C19orf44: variants seen among roughly 807,000 people sequenced by gnomAD.
C19orf44 encodes the protein uncharacterized protein C19orf44.
Under a neutral mutation model 50.7 loss-of-function variants are expected in C19orf44, and 43 were observed. The observed-to-expected ratio is 0.85, with a 90% CI of 0.66 to 1.09. The LOEUF is 1.09. C19orf44 is among the 50% of genes least tolerant of loss of function. The pLI is 0.00. For missense variants in C19orf44, 722 were observed against 836.2 expected (o/e 0.86, Z 1.68); for synonymous variants, 298 against 334.7 (o/e 0.89, Z 1.20).
chr19:16,520,294 A>G lies in C19orf44; in HGVS notation c.*241A>G, dbSNP rs2085598273. On this transcript the variant is annotated 3_prime_UTR_variant, in exon 9 of 9. Coordinates refer to ENST00000221671, the MANE Select transcript of C19orf44 (RefSeq NM_032207.4). The surrounding 1 kb of genome is among the most constrained non-coding windows in gnomAD (Gnocchi z 4.0). The stretch of plus-strand genomic sequence containing the variant: ...CAGGGAAGGGTGCCCAAGGGTCAGC[A>G]GCAGCCAGGCGTCGTGGGGAGGCCA... 8 of 1,613,304 alleles carry G rather than the reference A, an allele frequency of 5.0e-6. No homozygotes were observed. The highest frequency in any genetic ancestry group is 3.3e-5 in the Admixed American group (2 of 59,968).
At position 16,521,133 on chromosome 19, in the gene C19orf44, G is replaced by A. The variant is rs567520521; in HGVS notation, c.*1080G>A. 1 of 601,758 alleles carries A rather than the reference G, an allele frequency of 1.7e-6. No homozygotes were observed. The highest frequency in any genetic ancestry group is 2.0e-5 in the South Asian group (1 of 51,258). The allele number at this position is 601,758 out of a possible 1,614,324, so 37.3% of individuals were successfully genotyped here. ...GTGCCCACGCCCTTGCCACCCTGCT[G>A]TTCCGCTGAGGTGGTGGGGACCCAT... On this transcript the variant is annotated 3_prime_UTR_variant, in exon 9 of 9. Coordinates refer to ENST00000221671, the MANE Select transcript of C19orf44 (RefSeq NM_032207.4).
chr19:16,512,361 G>A (rs368656788), intron 5 of C19orf44, among the ~76,000 whole-genome samples: 1 of 152,088 alleles, frequency 6.6e-6, no homozygotes, highest in Non-Finnish European at 1.5e-5. Context: ...CCATAAACAC[G>A]CTGGCCTCAG....
intron 3 of C19orf44, among the ~76,000 whole-genome samples, chr19:16,504,465 T>C (rs1002129368): frequency 1.3e-5 from 2 of 152,146 alleles, no homozygotes; most frequent in African/African-American, 2.4e-5. Context: ...CTTCCCACTC[T>C]TTCCCCCCAG....
chr19:16,501,364 G>A lies in C19orf44; in HGVS notation c.572G>A (p.Gly191Glu). Residue 191 changes from glycine to glutamate, a missense_variant, in exon 2 of 9, where the codon GGG becomes GAG. Transcript: ENST00000221671. ...AACATATCCCCTGAAGCACCTGCTG[G>A]GAAAGAGAGGACTTTGCAAACCCCC... ...VENISPEAPA[G>E]KERTLQTPKQ... The A allele has an allele frequency of 6.2e-7, 1 of 1,614,016 alleles. No individual in the cohort carries two copies. The highest frequency in any genetic ancestry group is 8.5e-7 in the Non-Finnish European group (1 of 1,180,026).
rs1474920879 is a variant in C19orf44, at chr19:16,504,614, TG to T, written c.1075+1235del. 4.4e-3 allele frequency among the ~76,000 whole-genome samples: 657 copies of T among 148,078 alleles called. 3 individuals are homozygous for T. Among genetic ancestry groups the T allele is most frequent in the African/African-American group, 0.015 (597 of 39,872 alleles). On this transcript the variant is annotated intron_variant, in intron 3 of 8. Coordinates refer to ENST00000221671, the MANE Select transcript of C19orf44 (RefSeq NM_032207.4). ...CCTGTCTTCTGTCTGTTTTTTTTTT[TG>T]TTTGTTTGTTTTTTTGAGATGTTGC...
chr19:16,511,209 G>A (rs926011755), intron 5 of C19orf44, among the ~76,000 whole-genome samples: 1 of 152,022 alleles, frequency 6.6e-6, no homozygotes, highest in Non-Finnish European at 1.5e-5. Context: ...GATAATTTTT[G>A]TATTTTTAGT....
chr19:16,512,121 G>A (rs1399970953), intron 5 of C19orf44, among the ~76,000 whole-genome samples: 1 of 152,068 alleles, frequency 6.6e-6, no homozygotes, highest in East Asian at 1.9e-4. Flanking sequence ...CCCAGGAGAG[G>A]GTGAGTGGTG....
Position 16,513,020 on chromosome 19 carries a change from G to C in C19orf44, c.1646G>C (p.Ser549Thr). 1 of 1,612,638 alleles carries C rather than the reference G, an allele frequency of 6.2e-7. No individual in the cohort carries two copies. Among genetic ancestry groups the C allele is most frequent in the Non-Finnish European group, 8.5e-7 (1 of 1,179,918 alleles). ...CTCTTTGTCCCCGAGATAGTGGCCA[G>C]CATGGCAGCCATGGGGCCTGCCCTG... ...AFTYEWTKVASMAAMGPALGG... is the reference protein window; with the variant it reads ...AFTYEWTKVATMAAMGPALGG... The change falls in exon 6 of 9, where the codon AGC becomes ACC. Residue 549 changes from serine (S) to threonine (T), a missense_variant. Physicochemically the swap from Ser to Thr is moderately conservative, Grantham distance 58. Transcript: ENST00000221671.
chr19:16,497,084 G>A (rs1019868970), intron 1 of C19orf44, among the ~76,000 whole-genome samples: 6 of 152,142 alleles, frequency 3.9e-5, no homozygotes, highest in South Asian at 2.1e-4. Flanking sequence ...GCTGCTGTGA[G>A]CTGTGATCAT....
chr19:16,519,672 C>A lies in C19orf44; in HGVS notation c.*41-422C>A. ...TTGTTCTCTTCTCCGAGCCTTGAGT[C>A]AGGGATGGGAGGCGCCGAATTAGAA... On this transcript the variant is annotated intron_variant, in intron 8 of 8. Coordinates refer to ENST00000221671, the MANE Select transcript of C19orf44 (RefSeq NM_032207.4). The surrounding 1 kb of genome is among the most constrained non-coding windows in gnomAD (Gnocchi z 6.0). 6.2e-7 allele frequency: 1 copy of A among 1,613,990 alleles called. No individual in the cohort carries two copies. The highest frequency in any genetic ancestry group is 1.1e-5 in the South Asian group (1 of 91,062).
chr19:16,506,677 C>T, intron 3 of C19orf44, 24 bp from the exon 4 acceptor site: 1 of 1,501,568 alleles, frequency 6.7e-7, no homozygotes, highest in Non-Finnish European at 9.1e-7. Flanking sequence ...AATGTAAACG[C>T]TTATACTCAT....
At chr19:16,511,867 T>C (rs2093458106) in intron 5 of C19orf44, among the ~76,000 whole-genome samples, 1 of 151,922 alleles carries the variant, frequency 6.6e-6, no homozygotes, top group East Asian at 1.9e-4. Flanking sequence ...ATACAAAAAT[T>C]AGCCTGGTGT....
intron 8 of C19orf44, chr19:16,518,215 TC>T (rs2085564557): frequency 6.6e-6 from 1 of 151,918 alleles, no homozygotes; most frequent in Non-Finnish European, 1.5e-5. Flanking sequence ...TCCCCTCCCT[TC>T]GGGGGTGTGA....
intron 8 of C19orf44, chr19:16,518,611 G>C (rs1030421806): frequency 6.5e-6 from 1 of 153,872 alleles, no homozygotes; most frequent in Non-Finnish European, 1.4e-5. Flanking sequence ...GCTTCACTTC[G>C]CAAGTCAAGT....
intron 6 of C19orf44, among the ~76,000 whole-genome samples, chr19:16,513,651 T>C (rs767558049): frequency 6.6e-6 from 1 of 152,218 alleles, no homozygotes; most frequent in Non-Finnish European, 1.5e-5. Flanking sequence ...CCCAAAGTTC[T>C]GGGATCACAG....
At chr19:16,499,973 G>C (rs942116757) in intron 1 of C19orf44, among the ~76,000 whole-genome samples, 5 of 152,008 alleles carry the variant, frequency 3.3e-5, no homozygotes, top group South Asian at 2.1e-4. Context: ...ATTTTTAGTA[G>C]AGACGGGGTT....
intron 5 of C19orf44, among the ~76,000 whole-genome samples, chr19:16,511,195 C>T (rs2093456254): frequency 6.6e-6 from 1 of 152,016 alleles, no homozygotes; most frequent in Non-Finnish European, 1.5e-5. Flanking sequence ...TGCCACCACG[C>T]CCAGATAATT....
chr19:16,517,392 T>C, intron 8 of C19orf44, 51 bp downstream of exon 8: 2 of 1,315,668 alleles, frequency 1.5e-6, no homozygotes, highest in Admixed American at 1.9e-5. Flanking sequence ...AACATAGAGC[T>C]CATCAGTGTC....
Position 16,520,576 on chromosome 19 carries a change from G to A in C19orf44, c.*523G>A, listed in dbSNP as rs2085602836. On this transcript the variant is annotated 3_prime_UTR_variant, in exon 9 of 9. Transcript: ENST00000221671. This position sits in a 1 kb window ranked among gnomAD's most constrained non-coding sequence, Gnocchi z 4.0. Reference sequence around the variant, plus strand: ...TGCACCCAGCCCACCCTGGCCCTCAGGTTCCTAGACCACCCCAGATGCAGG... The same window carrying A: ...TGCACCCAGCCCACCCTGGCCCTCAAGTTCCTAGACCACCCCAGATGCAGG... 7 of 1,548,930 alleles carry A rather than the reference G, an allele frequency of 4.5e-6. No homozygotes were observed. The highest frequency in any genetic ancestry group is 6.1e-6 in the Non-Finnish European group (7 of 1,142,652).
Sources: gnomAD v4.1 joint callset for allele counts (sites outside exome capture counted in the v4.1 genomes callset) on GRCh38, gnomAD v4.1.1 for gene constraint, Gnocchi (gnomAD v3.1) non-coding constraint, MANE v1.5 for transcripts, NCBI Gene and HGNC (gene_info 2026-07-23, HGNC 2026-07-21) for gene names.